CCDC192: variants seen among roughly 807,000 people sequenced by gnomAD.
CCDC192 encodes the protein coiled-coil domain-containing protein 192.
Position 127,885,824 on chromosome 5 carries a change from A to C in CCDC192, c.535+10163A>C, listed in dbSNP as rs181222850. Among the ~76,000 whole-genome samples the C allele has an allele frequency of 8.7e-4, 132 of 152,172 alleles. 1 individual carries two copies. The highest frequency in any genetic ancestry group is 3.1e-3 in the African/African-American group (129 of 41,510). On this transcript the variant is annotated intron_variant, in intron 6 of 6. Transcript: ENST00000514853. ...ATATATACCTCTGTGCATTATGGTA[A>C]TCTATGTGTATATGGTAATTTACTA...
At chr5:127,732,880 T>C (rs1176548316) in intron 2 of CCDC192, among the ~76,000 whole-genome samples, 1 of 151,980 alleles carries the variant, frequency 6.6e-6, no homozygotes, top group East Asian at 1.9e-4. Flanking sequence ...TCAGGGTAAA[T>C]AGCTAATGCA....
At chr5:127,800,732 T>C (rs1460764630) in intron 5 of CCDC192, among the ~76,000 whole-genome samples, 1 of 152,176 alleles carries the variant, frequency 6.6e-6, no homozygotes, top group Non-Finnish European at 1.5e-5. Flanking sequence ...GTGGATAATA[T>C]CACACTACTG....
intron 6 of CCDC192, among the ~76,000 whole-genome samples, chr5:127,905,376 A>G (rs1430012697): frequency 6.6e-6 from 1 of 152,212 alleles, no homozygotes; most frequent in Non-Finnish European, 1.5e-5. Context: ...AAAATATTGA[A>G]TATTATTTAA....
At chr5:127,911,898 C>G (rs1355995603) in intron 6 of CCDC192, among the ~76,000 whole-genome samples, 1 of 151,460 alleles carries the variant, frequency 6.6e-6, no homozygotes, top group Non-Finnish European at 1.5e-5. Context: ...TTTTTAAGTT[C>G]TTTACTCACA....
chr5:127,862,928 TAAAAA>T (rs34046354), intron 5 of CCDC192, among the ~76,000 whole-genome samples: 3 of 134,306 alleles, frequency 2.2e-5, no homozygotes, highest in Non-Finnish European at 1.6e-5. Context: ...TTCCTTTATT[TAAAAA>T]AAAAAAAAAA....
At chr5:127,878,271 G>A (rs2127139331) in intron 6 of CCDC192, among the ~76,000 whole-genome samples, 1 of 152,316 alleles carries the variant, frequency 6.6e-6, no homozygotes, top group Non-Finnish European at 1.5e-5. Flanking sequence ...GCTTAGGTTG[G>A]GTACCCATCT....
chr5:127,848,796 T>C (rs554062264), intron 5 of CCDC192, among the ~76,000 whole-genome samples: 1 of 152,362 alleles, frequency 6.6e-6, no homozygotes, highest in Non-Finnish European at 1.5e-5. Context: ...ACTTAGGTCG[T>C]TCTGGGGAGA....
At chr5:127,828,311 CGA>C (rs1159223735) in intron 5 of CCDC192, among the ~76,000 whole-genome samples, 1 of 152,126 alleles carries the variant, frequency 6.6e-6, no homozygotes, top group Non-Finnish European at 1.5e-5. Context: ...TATGTGGTCT[CGA>C]GAAAAGGTTA....
In CCDC192 at chr5:127,889,558, C is replaced by T. The variant is rs188509321; in HGVS notation, c.535+13897C>T. 9.1e-3 allele frequency among the ~76,000 whole-genome samples: 1,387 copies of T among 152,226 alleles called. 9 individuals carry two copies. The highest frequency in any genetic ancestry group is 0.013 in the Non-Finnish European group (852 of 68,006). ...CTGGGCTTACAGGAGCTCGCCACCA[C>T]GCCCTGCTAATTTTTGAATTTTCAG... is the stretch of plus-strand genomic sequence containing the variant. On this transcript the variant is annotated intron_variant, in intron 6 of 6. Coordinates refer to ENST00000514853, the MANE Select transcript of CCDC192 (RefSeq NM_001317938.2).
Position 127,905,977 on chromosome 5 carries a change from G to C in CCDC192, c.535+30316G>C, listed in dbSNP as rs74348893. ...TGTCAAAGGCAAGCTGGATTTGCCT[G>C]ATCAAAAATCACTTCTTTTTTTTAT... On this transcript the variant is annotated intron_variant, in intron 6 of 6. Transcript: ENST00000514853. Among the ~76,000 whole-genome samples the C allele has an allele frequency of 1.6e-4, 24 of 152,286 alleles. 1 individual carries two copies. The East Asian group carries it at 4.6e-3, about 29-fold the overall frequency.
intron 6 of CCDC192, among the ~76,000 whole-genome samples, chr5:127,939,868 C>T (rs1247240868): frequency 6.6e-6 from 1 of 152,142 alleles, no homozygotes; most frequent in African/African-American, 2.4e-5. Context: ...TCAATTGTAA[C>T]AATCTACCGT....
intron 6 of CCDC192, among the ~76,000 whole-genome samples, chr5:127,920,748 T>C (rs1004976714): frequency 3.9e-5 from 6 of 152,066 alleles, no homozygotes; most frequent in African/African-American, 1.4e-4. Flanking sequence ...TGCTCACTTT[T>C]GGTCCTTTTT....
chr5:127,705,407 T>G (rs2126767226), intron 1 of CCDC192, among the ~76,000 whole-genome samples: 1 of 152,328 alleles, frequency 6.6e-6, no homozygotes, highest in South Asian at 2.1e-4. Context: ...CATAAGGGTA[T>G]TGCACTCACG....
intron 5 of CCDC192, among the ~76,000 whole-genome samples, chr5:127,858,937 TA>T (rs11313451): frequency 0.39 from 59,512 of 151,678 alleles, 11,874 homozygotes; most frequent in East Asian, 0.54. Flanking sequence ...TGTGTGCTTA[TA>T]AAAAAAAACA....
At chr5:127,734,341 G>C (rs1265734681) in intron 2 of CCDC192, among the ~76,000 whole-genome samples, 1 of 151,960 alleles carries the variant, frequency 6.6e-6, no homozygotes, top group Admixed American at 6.6e-5. Flanking sequence ...GGACATTTGG[G>C]TTGGTTCCAA....
At chr5:127,710,448 T>C (rs1489798528) in intron 2 of CCDC192, among the ~76,000 whole-genome samples, 3 of 152,172 alleles carry the variant, frequency 2.0e-5, no homozygotes, top group African/African-American at 7.2e-5. Flanking sequence ...TCTCTGCCTT[T>C]GTGTCTTGGT....
chr5:127,779,959 C>T (rs906057914), intron 3 of CCDC192, among the ~76,000 whole-genome samples: 2 of 152,050 alleles, frequency 1.3e-5, no homozygotes, highest in Non-Finnish European at 2.9e-5. Flanking sequence ...GCTTAGCTCC[C>T]ATGTATCAGT....
chr5:127,925,668 C>T (rs1345571445), intron 6 of CCDC192, among the ~76,000 whole-genome samples: 1 of 152,170 alleles, frequency 6.6e-6, no homozygotes, highest in Non-Finnish European at 1.5e-5. Flanking sequence ...GCAGTCATTG[C>T]TTTTGTAAGT....
chr5:127,776,696 G>T (rs944519405), intron 3 of CCDC192, among the ~76,000 whole-genome samples: 5 of 152,170 alleles, frequency 3.3e-5, no homozygotes, highest in African/African-American at 9.7e-5. Context: ...CTGGGCCCAT[G>T]GTCCCTCTGC....
Sources: gnomAD v4.1 joint callset for allele counts (sites outside exome capture counted in the v4.1 genomes callset) on GRCh38, gnomAD v4.1.1 for gene constraint, MANE v1.5 for transcripts, NCBI Gene and HGNC (gene_info 2026-07-23, HGNC 2026-07-21) for gene names.